PRDM6: variants seen among roughly 807,000 people sequenced by gnomAD.
The protein encoded by PRDM6 is putative histone-lysine N-methyltransferase PRDM6.
A neutral mutation model predicts 60.8 loss-of-function variants in PRDM6; 25 were observed. That is an observed-to-expected ratio of 0.41 (90% CI 0.30 to 0.57). The LOEUF is 0.57. Ranked by LOEUF, PRDM6 falls within the 20% of genes least tolerant of loss-of-function variation. The pLI, the probability that PRDM6 is intolerant of heterozygous loss-of-function variation, is 0.27. For missense variants in PRDM6, 839 were observed against 821.3 expected, an observed-to-expected ratio of 1.02 and a Z score of -0.26; for synonymous variants, 407 against 357.4, an observed-to-expected ratio of 1.14 and a Z score of -1.57.
chr5:123,177,592 C>T (rs1766045915), intron 6 of PRDM6, among the ~76,000 whole-genome samples: 2 of 152,160 alleles, frequency 1.3e-5, no homozygotes, highest in South Asian at 4.1e-4. Context: ...TTTAAATTTT[C>T]CATATTCCAA....
chr5:123,153,513 T>G (rs1765420358), intron 3 of PRDM6, among the ~76,000 whole-genome samples: 1 of 152,176 alleles, frequency 6.6e-6, no homozygotes, highest in African/African-American at 2.4e-5. Flanking sequence ...CGTCACAGTT[T>G]CATGTGAAAT....
chr5:123,141,632 C>T (rs756816639), intron 3 of PRDM6, among the ~76,000 whole-genome samples: 8 of 152,122 alleles, frequency 5.3e-5, no homozygotes, highest in Non-Finnish European at 8.8e-5. Context: ...GATTCCTGCT[C>T]TGCCCAGTTC....
chr5:123,104,891 A>T (rs1042027778), intron 3 of PRDM6, among the ~76,000 whole-genome samples: 1 of 152,202 alleles, frequency 6.6e-6, no homozygotes, highest in African/African-American at 2.4e-5. Flanking sequence ...GTTGCTTTGA[A>T]AATGTCCATT....
At chr5:123,105,023 A>G (rs911548470) in intron 3 of PRDM6, among the ~76,000 whole-genome samples, 1 of 152,240 alleles carries the variant, frequency 6.6e-6, no homozygotes, top group African/African-American at 2.4e-5. Flanking sequence ...TTCTCACATC[A>G]GTGAGGTTTA....
At chr5:123,095,898 A>G (rs1231999405) in intron 2 of PRDM6, among the ~76,000 whole-genome samples, 2 of 152,224 alleles carry the variant, frequency 1.3e-5, no homozygotes, top group African/African-American at 4.8e-5. Flanking sequence ...AAAGAAAACC[A>G]TGGCCTGCTT....
chr5:123,180,150 C>G lies in PRDM6; in HGVS notation c.1500C>G (p.Pro500=), dbSNP rs1766113548. The part of the protein sequence containing the change: ...MHVCTQNPDR[P]YQCGHCSQSF... ...ACAGTCTGTTTATTTGTTTCAGACC[C>G]TACCAATGCGGCCACTGCTCCCAGT... The change falls in exon 7 of 8, where the codon CCC becomes CCG. Residue 500 remains proline (P), a synonymous_variant. Transcript: ENST00000407847. The G allele has an allele frequency of 6.5e-7, 1 of 1,547,858 alleles. No homozygotes were observed. Among genetic ancestry groups the G allele is most frequent in the African/African-American group, 1.4e-5 (1 of 73,120 alleles).
chr5:123,148,617 G>C (rs1195004645), intron 3 of PRDM6, among the ~76,000 whole-genome samples: 1 of 151,232 alleles, frequency 6.6e-6, no homozygotes, highest in Non-Finnish European at 1.5e-5. Flanking sequence ...AATGTTGCTG[G>C]TCATTATGAC....
intron 5 of PRDM6, among the ~76,000 whole-genome samples, chr5:123,167,290 A>G (rs183380038): frequency 6.6e-6 from 1 of 152,084 alleles, no homozygotes; most frequent in East Asian, 1.9e-4. Context: ...CCATTAATCA[A>G]TCTCTCTTCA....
At chr5:123,105,758 A>G (rs1417757735) in intron 3 of PRDM6, among the ~76,000 whole-genome samples, 2 of 152,224 alleles carry the variant, frequency 1.3e-5, no homozygotes, top group African/African-American at 4.8e-5. Flanking sequence ...TTCCTTGTAT[A>G]TTTACACAGG....
Position 123,190,722 on chromosome 5 carries a change from G to A in PRDM6, c.*3521G>A, listed in dbSNP as rs1021112136. The A allele has an allele frequency of 1.3e-5, 2 of 152,062 alleles. No homozygotes were observed. Among genetic ancestry groups the A allele is most frequent in the African/African-American group, 4.8e-5 (2 of 41,394 alleles). 9.4% of individuals were successfully genotyped at this position (152,062 alleles called of 1,614,324 possible). ...CAGTTCATCAATTTTTAAATCAGAT[G>A]TTCATTGTTTCATTCATTTATTCAA... On this transcript the variant is annotated 3_prime_UTR_variant, in exon 8 of 8. Coordinates refer to ENST00000407847, the MANE Select transcript of PRDM6 (RefSeq NM_001136239.4).
intron 5 of PRDM6, 117 bp downstream of exon 5, chr5:123,159,755 C>A: frequency 2.0e-6 from 2 of 978,048 alleles, no homozygotes; most frequent in Non-Finnish European, 3.0e-6. Flanking sequence ...GTAACACAAA[C>A]ATATACAAGT....
At chr5:123,110,645 G>A (rs1245492739) in intron 3 of PRDM6, among the ~76,000 whole-genome samples, 5 of 141,360 alleles carry the variant, frequency 3.5e-5, no homozygotes, top group Middle Eastern at 4.0e-3. Context: ...TTGGCTCACC[G>A]CAACCTCCGC....
chr5:123,112,627 C>T (rs986207457), intron 3 of PRDM6, among the ~76,000 whole-genome samples: 1 of 152,144 alleles, frequency 6.6e-6, no homozygotes, highest in South Asian at 2.1e-4. Context: ...TAGTTGTGAA[C>T]ATCTCCATCT....
chr5:123,129,944 C>T (rs1274077783), intron 3 of PRDM6, among the ~76,000 whole-genome samples: 1 of 151,692 alleles, frequency 6.6e-6, no homozygotes, highest in Non-Finnish European at 1.5e-5. Context: ...GCCTGCCTGT[C>T]CACCTTCCTT....
intron 2 of PRDM6, among the ~76,000 whole-genome samples, chr5:123,097,250 AAG>A (rs1265216794): frequency 6.6e-6 from 1 of 152,242 alleles, no homozygotes; most frequent in Non-Finnish European, 1.5e-5. Context: ...GAGTGTGGGA[AAG>A]AGAGAAACCT....
At chr5:123,106,782 G>A (rs1248549969) in intron 3 of PRDM6, among the ~76,000 whole-genome samples, 1 of 152,202 alleles carries the variant, frequency 6.6e-6, no homozygotes, top group Non-Finnish European at 1.5e-5. Flanking sequence ...GCATCAGCAT[G>A]AAAACAGAGG....
In PRDM6 at chr5:123,127,545, G is replaced by T. The variant is rs1342560282; in HGVS notation, c.900+27584G>T. Among the ~76,000 whole-genome samples, 3 of 152,306 alleles carry T rather than the reference G, an allele frequency of 2.0e-5. No homozygotes were observed. In the South Asian group the frequency reaches 6.2e-4, roughly 32 times the overall value. ...GGTTGAAAAAATTTAAGCATTGTTA[G>T]TTGTGAGACTTAATCCCATTCAAGT... is the stretch of plus-strand genomic sequence containing the variant. On this transcript the variant is annotated intron_variant, in intron 3 of 7. Coordinates refer to ENST00000407847, the MANE Select transcript of PRDM6 (RefSeq NM_001136239.4).
chr5:123,125,137 C>A, intron 3 of PRDM6, among the ~76,000 whole-genome samples: 1 of 40,172 alleles, frequency 2.5e-5, no homozygotes, highest in African/African-American at 7.7e-5. Context: ...TGTATAATTA[C>A]ATACCGCACC....
chr5:123,187,123 C>A lies in PRDM6; in HGVS notation c.1710C>A (p.Thr570=), dbSNP rs1273384502. 6.4e-7 allele frequency: 1 copy of A among 1,551,452 alleles called. No individual in the cohort carries two copies. The highest frequency in any genetic ancestry group is 1.4e-5 in the African/African-American group (1 of 73,050). The change falls in exon 8 of 8, where the codon ACC becomes ACA. Residue 570 remains threonine, a synonymous_variant. Transcript: ENST00000407847. ...GTGAGAGGAGCTTCACGCAGGCCAC[C>A]CAGCTGAGCCGACACCAGCGGATGC... ...ERCERSFTQA[T]QLSRHQRMPN...
Sources: allele counts gnomAD v4.1 joint callset (sites outside exome capture counted in the v4.1 genomes callset), GRCh38; gene constraint gnomAD v4.1.1; transcripts MANE v1.5; gene names NCBI Gene and HGNC (gene_info 2026-07-23, HGNC 2026-07-21).